Variants in SCAP observed in about 807,000 individuals in gnomAD.
SCAP encodes the protein sterol regulatory element-binding protein cleavage-activating protein.
In SCAP, 65 loss-of-function variants were observed where a neutral mutation model predicts 123.6. That is an observed-to-expected ratio of 0.53 (90% confidence interval 0.43 to 0.65). SCAP has a LOEUF of 0.65. Among genes scored for constraint, SCAP ranks in the 30% least tolerant of loss-of-function variants. SCAP has a pLI of 0.00. For synonymous variants in SCAP, 740 were observed against 726.3 expected (o/e 1.02, Z -0.30); for missense variants, 1,398 against 1,712.5 (o/e 0.82, Z 3.24).
intron 6 of SCAP, among the ~76,000 whole-genome samples, chr3:47,426,393 C>T (rs1337546232): frequency 6.6e-6 from 1 of 151,820 alleles, no homozygotes; most frequent in South Asian, 2.1e-4. Context: ...TCTTTGTCTC[C>T]CTTTCCGGAC....
rs115383061 is a variant in SCAP, at chr3:47,422,612, C to T, written c.1151-76G>A. The stretch of plus-strand genomic sequence containing the variant: ...ATGACTCACACAACCTCATGGGCCT[C>T]GGAGTGGCAGAGGCATGGCAAGGCC... On this transcript the variant is annotated intron_variant, in intron 9 of 22. Transcript: ENST00000265565. 2.0e-3 allele frequency: 2,543 copies of T among 1,267,800 alleles called. 38 individuals carry two copies. The African/African-American group carries it at 0.032, about 16-fold the overall frequency. The allele number at this position is 1,267,800 out of a possible 1,614,324, so 78.5% of individuals were successfully genotyped here. A position where few individuals can be genotyped will look rare whatever the true frequency, so the allele number is the denominator to read the frequency against.
chr3:47,432,672 A>G (rs968061599), intron 3 of SCAP, among the ~76,000 whole-genome samples: 7 of 152,064 alleles, frequency 4.6e-5, no homozygotes, highest in Non-Finnish European at 7.4e-5. Context: ...CTTTTTTAAA[A>G]TTTATTTATT....
At chr3:47,465,843 A>AAC (rs1553650972) in intron 1 of SCAP, among the ~76,000 whole-genome samples, 1 of 65,220 alleles carries the variant, frequency 1.5e-5, no homozygotes, top group Non-Finnish European at 3.8e-5. Context: ...TAAAAAAACA[A>AAC]AAAAAAAAAA....
chr3:47,425,545 G>C lies in SCAP; in HGVS notation c.977C>G (p.Ser326Trp). The change falls in exon 8 of 23, where the codon TCG becomes TGG. Residue 326 changes from serine to tryptophan, a missense_variant. Ser to Trp is a radical substitution (Grantham distance 177). This residue lies in a region of SCAP where 319 missense variants were observed against 432.4 expected (regional missense o/e 0.74). Coordinates refer to ENST00000265565, the MANE Select transcript of SCAP (RefSeq NM_012235.4). ...ALAAVVTVLSSLLMSVGLCTL... is the reference protein window; with the variant it reads ...ALAAVVTVLSWLLMSVGLCTL... ...GCAGAGTCCCACAGACATGAGCAGC[G>C]AGCTGAGCACTGTGACCACGGCAGC... The C allele has an allele frequency of 6.2e-7, 1 of 1,614,104 alleles. No homozygotes were observed. Among genetic ancestry groups the C allele is most frequent in the Non-Finnish European group, 8.5e-7 (1 of 1,180,046 alleles).
At chr3:47,423,726 A>G (rs1189456795) in intron 9 of SCAP, among the ~76,000 whole-genome samples, 2 of 152,234 alleles carry the variant, frequency 1.3e-5, no homozygotes, top group Non-Finnish European at 2.9e-5. Context: ...ATGAACCAGG[A>G]CGAAGTACAG....
rs778896582 is a variant in SCAP, at chr3:47,419,464, C to T, written c.1804G>A (p.Gly602Ser). ...TSPGESPERG[G>S]PAEVVHDSPV... The stretch of plus-strand genomic sequence containing the variant: ...CTGTCATGGACAACCTCTGCTGGAC[C>T]TCCACGCTCAGGTGACTCGCCTGGC... Residue 602 changes from glycine (G) to serine (S), a missense_variant, in exon 13 of 23, where the codon GGT becomes AGT. Transcript: ENST00000265565. This position sits in a 1 kb window ranked among gnomAD's most constrained non-coding sequence, Gnocchi z 5.0. 3.7e-6 allele frequency: 6 copies of T among 1,613,896 alleles called. No homozygotes were observed. The highest frequency in any genetic ancestry group is 2.2e-5 in the South Asian group (2 of 91,096).
chr3:47,435,120 A>C lies in SCAP; in HGVS notation c.140T>G (p.Leu47Arg). Residue 47 changes from leucine to arginine, a missense_variant, in exon 3 of 23, where the codon CTC becomes CGC. By Grantham distance (102) the Leu-to-Arg change is moderately radical. Around this residue, in one of 7 missense-constraint regions of SCAP, gnomAD observed 319 missense variants for 432.4 expected, o/e 0.74. Coordinates refer to ENST00000265565, the MANE Select transcript of SCAP (RefSeq NM_012235.4). Reference sequence around the variant, plus strand: ...CACAGGTCCTGTTCCTGGCAAGGGGAGTTTCAGCAGTGGGTAGCTGGGATG... The same window carrying C: ...CACAGGTCCTGTTCCTGGCAAGGGGCGTTTCAGCAGTGGGTAGCTGGGATG... ...ILACCYPLLKLPLPGTGPVEF... is the reference protein window; with the variant it reads ...ILACCYPLLKRPLPGTGPVEF... 1 of 1,613,812 alleles carries C rather than the reference A, an allele frequency of 6.2e-7. No individual in the cohort carries two copies. Among genetic ancestry groups the C allele is most frequent in the Non-Finnish European group, 8.5e-7 (1 of 1,179,850 alleles).
chr3:47,435,249 A>G lies in SCAP; in HGVS notation c.123-112T>C, dbSNP rs1706522919. 7 of 1,175,400 alleles carry G rather than the reference A, an allele frequency of 6.0e-6. No individual in the cohort carries two copies. The South Asian group carries it at 7.9e-5, about 13-fold the overall frequency. The allele number at this position is 1,175,400 out of a possible 1,614,324, so 72.8% of individuals were successfully genotyped here. ...AACTAAATTCTGTCAGGACTGTACA[A>G]ATGTGCAAAATATTAGAATCACAAA... is the stretch of plus-strand genomic sequence containing the variant. On this transcript the variant is annotated intron_variant, in intron 2 of 22. Transcript: ENST00000265565.
chr3:47,423,687 C>G (rs1239855793), intron 9 of SCAP, among the ~76,000 whole-genome samples: 1 of 152,218 alleles, frequency 6.6e-6, no homozygotes, highest in Non-Finnish European at 1.5e-5. Context: ...AGCCATGGCA[C>G]CCAGCCTGGT....
At chr3:47,452,483 G>A (rs1292734430) in intron 1 of SCAP, among the ~76,000 whole-genome samples, 3 of 152,188 alleles carry the variant, frequency 2.0e-5, no homozygotes, top group African/African-American at 7.2e-5. Context: ...AGCACCTCAG[G>A]CATTCTGGAA....
chr3:47,467,180 T>C (rs1156551657), intron 1 of SCAP, among the ~76,000 whole-genome samples: 17 of 151,984 alleles, frequency 1.1e-4, no homozygotes, highest in South Asian at 4.2e-4. Context: ...GGAGAAACTA[T>C]TCACAAATCA....
At chr3:47,437,467 G>C (rs1240302659) in intron 2 of SCAP, among the ~76,000 whole-genome samples, 4 of 142,634 alleles carry the variant, frequency 2.8e-5, no homozygotes, top group Non-Finnish European at 6.1e-5. Context: ...TTGGCCAGGT[G>C]AGGTGGCTCA....
chr3:47,466,579 GA>G (rs769566939), intron 1 of SCAP, among the ~76,000 whole-genome samples: 10 of 152,080 alleles, frequency 6.6e-5, no homozygotes, highest in Non-Finnish European at 1.2e-4. Context: ...ATGCTACTGG[GA>G]AAACTGGATA....
intron 2 of SCAP, among the ~76,000 whole-genome samples, chr3:47,442,268 T>C (rs1382828325): frequency 6.6e-6 from 1 of 152,196 alleles, no homozygotes; most frequent in African/African-American, 2.4e-5. Context: ...TACGACGTCA[T>C]TGTCAGCCAT....
Position 47,420,462 on chromosome 3 carries a change from C to T in SCAP, c.1563+92G>A, listed in dbSNP as rs1182435840. The T allele has an allele frequency of 8.4e-7, 1 of 1,192,282 alleles. No homozygotes were observed. The highest frequency in any genetic ancestry group is 1.5e-5 in the South Asian group (1 of 64,694). 73.9% of individuals were successfully genotyped at this position (1,192,282 alleles called of 1,614,324 possible). A position where few individuals can be genotyped will look rare whatever the true frequency, so the allele number is the denominator to read the frequency against. On this transcript the variant is annotated intron_variant, in intron 12 of 22. Transcript: ENST00000265565. The surrounding 1 kb of genome is among the most constrained non-coding windows in gnomAD (Gnocchi z 5.0). Reference sequence around the variant, plus strand: ...GGGCCACCAGGGCCTGAGGAATACCCTTTGCCACTCTAAGGCCAAGTGCAG... The same window carrying T: ...GGGCCACCAGGGCCTGAGGAATACCTTTTGCCACTCTAAGGCCAAGTGCAG...
At chr3:47,474,892 A>C (rs1364504097) in intron 1 of SCAP, among the ~76,000 whole-genome samples, 1 of 152,204 alleles carries the variant, frequency 6.6e-6, no homozygotes, top group East Asian at 1.9e-4. Context: ...TGACTCCCTA[A>C]TAAAAGCGTC....
At chr3:47,443,463 C>CG (rs1450738246) in intron 1 of SCAP, among the ~76,000 whole-genome samples, 4 of 151,828 alleles carry the variant, frequency 2.6e-5, no homozygotes, top group African/African-American at 4.8e-5. Flanking sequence ...TCTTCCCCCC[C>CG]CTCCTCTATG....
chr3:47,466,787 A>G (rs1436063148), intron 1 of SCAP, among the ~76,000 whole-genome samples: 1 of 152,234 alleles, frequency 6.6e-6, no homozygotes, highest in East Asian at 1.9e-4. Context: ...GGAATTCATA[A>G]AAATTAAAAA....
chr3:47,425,699 G>C, intron 7 of SCAP, 88 bp from the exon 8 acceptor site: 1 of 1,449,808 alleles, frequency 6.9e-7, no homozygotes, highest in Non-Finnish European at 9.5e-7. Context: ...CCTGACAGTC[G>C]AGGAAGGGAA....
Sources: allele counts gnomAD v4.1 joint callset (sites outside exome capture counted in the v4.1 genomes callset), GRCh38; gene constraint gnomAD v4.1.1; regional missense constraint gnomAD v4.1.1; non-coding constraint Gnocchi (gnomAD v3.1); transcripts MANE v1.5; gene names NCBI Gene and HGNC (gene_info 2026-07-23, HGNC 2026-07-21).